The following PCDHA2 variants were observed in gnomAD, a reference collection of about 807,000 sequenced individuals.
The protein encoded by PCDHA2 is protocadherin alpha 2.
Under a neutral mutation model 66.0 loss-of-function variants are expected in PCDHA2, and 58 were observed. That is an observed-to-expected ratio of 0.88 (90% CI 0.71 to 1.09). PCDHA2 has a LOEUF of 1.09. Among genes scored for constraint, PCDHA2 ranks in the 50% least tolerant of loss-of-function variants. The probability of loss-of-function intolerance (pLI) is 0.00; values close to 1 mark genes in which losing one functional copy is unlikely to be tolerated. For missense variants in PCDHA2, 1,267 were observed against 1,242.3 expected, an observed-to-expected ratio of 1.02 and a Z score of -0.30; for synonymous variants, 634 against 554.0, an observed-to-expected ratio of 1.14 and a Z score of -2.03.
chr5:140,826,260 T>C (rs1554130510), intron 1 of PCDHA2, among the ~76,000 whole-genome samples: 1 of 152,220 alleles, frequency 6.6e-6, no homozygotes, highest in Admixed American at 6.5e-5. Context: ...ATATATCAAG[T>C]CTTTATGTAT....
At chr5:140,821,857 G>C in intron 1 of PCDHA2, 1 of 1,614,186 alleles carries the variant, frequency 6.2e-7, no homozygotes. Flanking sequence ...GGCAGGGAGC[G>C]GCCAGCTCCA....
At chr5:140,968,317 A>T (rs144335538) in intron 1 of PCDHA2, 17,308 of 1,614,002 alleles carry the variant, frequency 0.011, 130 homozygotes, top group Non-Finnish European at 0.013. Flanking sequence ...AAGGGCTGCC[A>T]GTCACCTCCT....
intron 1 of PCDHA2, among the ~76,000 whole-genome samples, chr5:140,925,210 C>G (rs1319343041): frequency 1.3e-5 from 2 of 152,122 alleles, no homozygotes; most frequent in Admixed American, 6.5e-5. Context: ...ATTATCGATA[C>G]TTTTAGGCAG....
intron 1 of PCDHA2, among the ~76,000 whole-genome samples, chr5:140,939,650 A>G (rs1203077314): frequency 1.3e-5 from 2 of 152,228 alleles, no homozygotes; most frequent in African/African-American, 2.4e-5. Flanking sequence ...GAAAACTTCA[A>G]TAACAGGAAT....
At chr5:140,877,270 G>C in intron 1 of PCDHA2, 2 of 1,613,864 alleles carry the variant, frequency 1.2e-6, no homozygotes, top group Non-Finnish European at 1.7e-6. Context: ...GGTGGACGCT[G>C]ACTCCGGCTA....
intron 1 of PCDHA2, among the ~76,000 whole-genome samples, chr5:140,960,268 C>T (rs909300103): frequency 3.3e-5 from 5 of 152,222 alleles, no homozygotes; most frequent in African/African-American, 7.2e-5. Context: ...TGATAAATTC[C>T]GTCACCTTTT....
intron 1 of PCDHA2, among the ~76,000 whole-genome samples, chr5:140,948,960 G>A (rs900113633): frequency 5.9e-5 from 9 of 151,550 alleles, no homozygotes; most frequent in Non-Finnish European, 1.2e-4. Context: ...TTAAAGCCAC[G>A]AATTTATTAG....
intron 1 of PCDHA2, among the ~76,000 whole-genome samples, chr5:140,879,771 G>A (rs1413027496): frequency 6.6e-6 from 1 of 152,156 alleles, no homozygotes; most frequent in Admixed American, 6.5e-5. Flanking sequence ...GGAGGCCCCA[G>A]GGAAGAATCT....
At chr5:140,901,439 A>G (rs2068668793) in intron 1 of PCDHA2, among the ~76,000 whole-genome samples, 1 of 152,164 alleles carries the variant, frequency 6.6e-6, no homozygotes, top group South Asian at 2.1e-4. Flanking sequence ...ATGGATATCT[A>G]GTTTCCCAGC....
intron 1 of PCDHA2, chr5:140,856,082 T>C (rs781798552): frequency 6.9e-6 from 11 of 1,594,900 alleles, no homozygotes; most frequent in Non-Finnish European, 8.6e-6. Context: ...GGGGGTCCAG[T>C]GTCTGCTGCT....
At position 140,925,553 on chromosome 5, in the gene PCDHA2, A is replaced by G. The variant is rs183194732; in HGVS notation, c.2389-53396A>G. 8.0e-3 allele frequency among the ~76,000 whole-genome samples: 1,211 copies of G among 152,074 alleles called. 7 individuals carry two copies. The highest frequency in any genetic ancestry group is 0.019 in the African/African-American group (785 of 41,482). On this transcript the variant is annotated intron_variant, in intron 1 of 3. Transcript: ENST00000526136. The stretch of plus-strand genomic sequence containing the variant: ...AGGAGAAATACCTAATGTAAATGAC[A>G]AGTTAATGGGTGCAGCACACCAACA...
rs1554128638 is a variant in PCDHA2, at chr5:140,822,442, G to T, written c.2388+25090G>T. ...TGATGGAGGAAAACCCGAACTAACA[G>T]GTACAGTTCAGTTGTTGATCAATGT... On this transcript the variant is annotated intron_variant, in intron 1 of 3. Transcript: ENST00000526136. 4 of 1,613,740 alleles carry T rather than the reference G, an allele frequency of 2.5e-6. No homozygotes were observed. Among genetic ancestry groups the T allele is most frequent in the Non-Finnish European group, 3.4e-6 (4 of 1,179,806 alleles).
chr5:140,882,767 G>T lies in PCDHA2; in HGVS notation c.2388+85415G>T, dbSNP rs1348655523. ...CGATGCAGATATTGGAGTAAACTCG[G>T]CATTGACCTACCGACTGGATCCCAA... On this transcript the variant is annotated intron_variant, in intron 1 of 3. Transcript: ENST00000526136. 1.9e-6 allele frequency: 3 copies of T among 1,614,058 alleles called. No individual in the cohort carries two copies. The South Asian group carries it at 3.3e-5, about 18-fold the overall frequency.
At chr5:140,954,520 A>G (rs1554221455) in intron 1 of PCDHA2, among the ~76,000 whole-genome samples, 1 of 152,192 alleles carries the variant, frequency 6.6e-6, no homozygotes, top group Admixed American at 6.6e-5. Context: ...CCTAATGATC[A>G]GTGATGTTGA....
chr5:140,914,771 ACTTAT>A (rs1394572780), intron 1 of PCDHA2, among the ~76,000 whole-genome samples: 1 of 151,760 alleles, frequency 6.6e-6, no homozygotes, highest in Non-Finnish European at 1.5e-5. Context: ...GAGGTTTATG[ACTTAT>A]CTTATGACCC....
chr5:140,850,934 T>G (rs2150502964), intron 1 of PCDHA2: 2 of 1,514,156 alleles, frequency 1.3e-6, no homozygotes, highest in African/African-American at 1.4e-5. Flanking sequence ...TTTTTTTTCT[T>G]GAAAGATATT....
At chr5:140,805,584 T>C (rs1763598795) in intron 1 of PCDHA2, 2 of 934,032 alleles carry the variant, frequency 2.1e-6, no homozygotes, top group Non-Finnish European at 2.6e-6. Context: ...ATGGCTACCA[T>C]TATGTCTTTA....
In PCDHA2 at chr5:141,010,888, T is replaced by C. The variant is rs1419215366; in HGVS notation, c.*951T>C. The stretch of plus-strand genomic sequence containing the variant: ...AGCTATAAATCTTTAAAGAGAAATA[T>C]GAATACAATTCCCCTAAACTCTCCT... On this transcript the variant is annotated 3_prime_UTR_variant, in exon 4 of 4. Transcript: ENST00000526136. The C allele has an allele frequency of 3.9e-5, 6 of 153,866 alleles. 1 individual carries two copies. The highest frequency in any genetic ancestry group is 1.4e-4 in the African/African-American group (6 of 41,562). The allele number at this position is 153,866 out of a possible 1,614,324, so 9.5% of individuals were successfully genotyped here. A position where few individuals can be genotyped will look rare whatever the true frequency, so the allele number is the denominator to read the frequency against.
rs2042221712 is a variant in PCDHA2 at position 140,852,026 on chromosome 5, C to T, written c.2388+54674C>T. The T allele has an allele frequency of 3.2e-6, 3 of 945,562 alleles. 1 individual carries two copies. Among genetic ancestry groups the T allele is most frequent in the Non-Finnish European group, 1.3e-6 (1 of 780,832 alleles). The allele number at this position is 945,562 out of a possible 1,614,324, so 58.6% of individuals were successfully genotyped here. On this transcript the variant is annotated intron_variant, in intron 1 of 3. Transcript: ENST00000526136. ...CTAATTTATAGTTTTAAAAACTTCG[C>T]TTATTGAGTTTTTGTTATGTGGTTT...
Sources: gnomAD v4.1 joint callset for allele counts (sites outside exome capture counted in the v4.1 genomes callset) on GRCh38, gnomAD v4.1.1 for gene constraint, MANE v1.5 for transcripts, NCBI Gene and HGNC (gene_info 2026-07-23, HGNC 2026-07-21) for gene names.